Variants in CLSTN2 observed in about 807,000 individuals in gnomAD.
CLSTN2 encodes the protein calsyntenin 2, also known as calsyntenin-2.
CLSTN2 carries 48 observed loss-of-function variants against 101.2 expected under a neutral mutation model. The observed-to-expected ratio is 0.47, with a 90% CI of 0.38 to 0.60. CLSTN2 has a LOEUF of 0.60. CLSTN2 is among the 20% of genes least tolerant of loss of function. CLSTN2 has a pLI of 0.00. For missense variants in CLSTN2, 1,160 were observed against 1,238.2 expected, an observed-to-expected ratio of 0.94 and a Z score of 0.95; for synonymous variants, 481 against 463.6, an observed-to-expected ratio of 1.04 and a Z score of -0.48.
intron 1 of CLSTN2, among the ~76,000 whole-genome samples, chr3:140,134,903 C>G (rs1365613068): frequency 6.6e-6 from 1 of 151,754 alleles, no homozygotes; most frequent in Non-Finnish European, 1.5e-5. Flanking sequence ...ATTACCTAAG[C>G]TGGCTTGTTA....
rs1559907743 is a variant in CLSTN2 at position 140,568,224 on chromosome 3, T to C, written c.*1971T>C. 2 of 152,150 alleles carry C rather than the reference T, an allele frequency of 1.3e-5. No individual in the cohort carries two copies. Among genetic ancestry groups the C allele is most frequent in the Admixed American group, 6.5e-5 (1 of 15,280 alleles). The allele number at this position is 152,150 out of a possible 1,614,324, so 9.4% of individuals were successfully genotyped here. A position where few individuals can be genotyped will look rare whatever the true frequency, so the allele number is the denominator to read the frequency against. Reference sequence around the variant, plus strand: ...ATGTGCTAAGCATCCTACCAATAGCTGTGAGAAAAAGAAAAGCTGAATAAG... The same window carrying C: ...ATGTGCTAAGCATCCTACCAATAGCCGTGAGAAAAAGAAAAGCTGAATAAG... On this transcript the variant is annotated 3_prime_UTR_variant, in exon 17 of 17. Transcript: ENST00000458420.
intron 1 of CLSTN2, among the ~76,000 whole-genome samples, chr3:140,138,164 T>C (rs2009643477): frequency 6.6e-6 from 1 of 152,064 alleles, no homozygotes; most frequent in South Asian, 2.1e-4. Flanking sequence ...AACAGTACAA[T>C]AGAGTTTGAG....
At chr3:139,937,201 A>G (rs1292217125) in intron 1 of CLSTN2, among the ~76,000 whole-genome samples, 1 of 152,224 alleles carries the variant, frequency 6.6e-6, no homozygotes, top group African/African-American at 2.4e-5. Context: ...TGAGAAGCAC[A>G]CAGCAAGTGC....
intron 1 of CLSTN2, among the ~76,000 whole-genome samples, chr3:140,135,665 C>T (rs1418864438): frequency 6.6e-6 from 1 of 152,126 alleles, no homozygotes; most frequent in Non-Finnish European, 1.5e-5. Context: ...CACACAATAA[C>T]ACGAGGAACA....
intron 2 of CLSTN2, among the ~76,000 whole-genome samples, chr3:140,263,831 A>G (rs938051226): frequency 2.6e-5 from 4 of 152,234 alleles, no homozygotes; most frequent in Admixed American, 1.3e-4. Context: ...GAAAGTTTAC[A>G]GTTGAACTCT....
At chr3:140,069,454 A>G (rs1479702466) in intron 1 of CLSTN2, among the ~76,000 whole-genome samples, 7 of 152,054 alleles carry the variant, frequency 4.6e-5, no homozygotes, top group Non-Finnish European at 1.0e-4. Context: ...GGAGTGCACA[A>G]TTTTCCATGG....
intron 9 of CLSTN2, among the ~76,000 whole-genome samples, chr3:140,544,882 G>C (rs1353329387): frequency 6.6e-6 from 1 of 152,026 alleles, no homozygotes; most frequent in Non-Finnish European, 1.5e-5. Flanking sequence ...CCTAATCTAA[G>C]CTATTTAGGG....
rs577997680 is a variant in CLSTN2, at chr3:140,470,364, T to C, written c.1344+3633T>C. On this transcript the variant is annotated intron_variant, in intron 8 of 16. Coordinates refer to ENST00000458420, the MANE Select transcript of CLSTN2 (RefSeq NM_022131.3). ...GATCAGGGGAGTCTGTGGAAGCCCATGCAGGGGCACCTGGGGCTGAAAGCC... is the reference window on the plus strand; with the variant it reads ...GATCAGGGGAGTCTGTGGAAGCCCACGCAGGGGCACCTGGGGCTGAAAGCC... Among the ~76,000 whole-genome samples, 8 of 152,310 alleles carry C rather than the reference T, an allele frequency of 5.3e-5. No individual in the cohort carries two copies. In the South Asian group the frequency reaches 1.4e-3, roughly 28 times the overall value.
chr3:140,543,590 G>GC (rs1271474264), intron 9 of CLSTN2, among the ~76,000 whole-genome samples: 3 of 152,318 alleles, frequency 2.0e-5, no homozygotes, highest in African/African-American at 7.2e-5. Context: ...AGAGAGCAGG[G>GC]CAGCTCAGGC....
intron 2 of CLSTN2, among the ~76,000 whole-genome samples, chr3:140,393,393 A>G (rs924986557): frequency 1.3e-5 from 2 of 152,196 alleles, no homozygotes; most frequent in Non-Finnish European, 2.9e-5. Flanking sequence ...TTGAGTGCTC[A>G]TTGACACTCA....
At chr3:140,105,768 C>A (rs987622942) in intron 1 of CLSTN2, among the ~76,000 whole-genome samples, 1 of 152,196 alleles carries the variant, frequency 6.6e-6, no homozygotes, top group Non-Finnish European at 1.5e-5. Context: ...GTGTACAGGA[C>A]AAGCACCTCA....
At chr3:140,192,997 A>G (rs1427607311) in intron 2 of CLSTN2, among the ~76,000 whole-genome samples, 1 of 151,676 alleles carries the variant, frequency 6.6e-6, no homozygotes, top group Non-Finnish European at 1.5e-5. Context: ...AACTTATTAT[A>G]GTCTATTGGT....
chr3:140,485,675 C>T (rs1934223877), intron 8 of CLSTN2, among the ~76,000 whole-genome samples: 1 of 152,184 alleles, frequency 6.6e-6, no homozygotes, highest in African/African-American at 2.4e-5. Flanking sequence ...CTCCCCCAGC[C>T]TCACTGCTGC....
chr3:140,430,598 T>C (rs2088617354), intron 5 of CLSTN2, among the ~76,000 whole-genome samples: 1 of 152,208 alleles, frequency 6.6e-6, no homozygotes, highest in African/African-American at 2.4e-5. Context: ...TATTTACTAT[T>C]TGGTTCTTTA....
intron 1 of CLSTN2, among the ~76,000 whole-genome samples, chr3:140,011,778 T>C (rs1365979830): frequency 1.3e-5 from 2 of 151,780 alleles, no homozygotes; most frequent in African/African-American, 4.8e-5. Context: ...TCTGGCAGGA[T>C]GGGTAAGTGT....
chr3:140,088,035 G>A (rs1303075659), intron 1 of CLSTN2, among the ~76,000 whole-genome samples: 1 of 152,144 alleles, frequency 6.6e-6, no homozygotes, highest in Non-Finnish European at 1.5e-5. Context: ...CTCAACAGGA[G>A]GCTAAAGGCA....
chr3:140,387,995 A>G, intron 2 of CLSTN2, among the ~76,000 whole-genome samples: 1 of 152,208 alleles, frequency 6.6e-6, no homozygotes, highest in East Asian at 1.9e-4. Flanking sequence ...CTTGCTGTAT[A>G]ATTTGGTGGT....
chr3:140,086,298 A>G (rs1489329678), intron 1 of CLSTN2, among the ~76,000 whole-genome samples: 2 of 152,232 alleles, frequency 1.3e-5, no homozygotes, highest in Non-Finnish European at 2.9e-5. Context: ...TGTAGTGTGC[A>G]TGCTGTAGTG....
intron 2 of CLSTN2, among the ~76,000 whole-genome samples, chr3:140,213,870 A>G (rs1476900767): frequency 1.3e-5 from 2 of 152,138 alleles, no homozygotes; most frequent in African/African-American, 4.8e-5. Flanking sequence ...AGCAACAGAA[A>G]AACACCCAAG....
Sources: gnomAD v4.1 joint callset for allele counts (sites outside exome capture counted in the v4.1 genomes callset) on GRCh38, gnomAD v4.1.1 for gene constraint, MANE v1.5 for transcripts, NCBI Gene and HGNC (gene_info 2026-07-23, HGNC 2026-07-21) for gene names.